The following ANKRD30BL variants were observed in gnomAD, a reference collection of about 807,000 sequenced individuals.
The protein encoded by ANKRD30BL is putative ankyrin repeat domain-containing protein 30B-like.
Under a neutral mutation model 18.4 loss-of-function variants are expected in ANKRD30BL, and 20 were observed. That is an observed-to-expected ratio of 1.09 (90% CI 0.77 to 1.58). The LOEUF (loss-of-function observed/expected upper bound fraction) is 1.58. Ranked by LOEUF, ANKRD30BL falls within the 40% of genes most tolerant of loss-of-function variation. The pLI is 0.00. For synonymous variants in ANKRD30BL, 72 were observed against 100.9 expected (o/e 0.71, Z 1.72); for missense variants, 224 against 268.6 (o/e 0.83, Z 1.16).
chr2:132,249,424 A>C (rs1162917238), intron 1 of ANKRD30BL, among the ~76,000 whole-genome samples: 3 of 152,204 alleles, frequency 2.0e-5, no homozygotes, highest in Non-Finnish European at 4.4e-5. Flanking sequence ...GTCACACATC[A>C]CAAATCAGTT....
At chr2:132,226,187 T>G (rs1679839149) in intron 1 of ANKRD30BL, among the ~76,000 whole-genome samples, 1 of 151,728 alleles carries the variant, frequency 6.6e-6, no homozygotes, top group Non-Finnish European at 1.5e-5. Flanking sequence ...TATCTTCTCA[T>G]AAAAACTAGA....
chr2:132,211,982 C>T (rs1679369634), intron 1 of ANKRD30BL, among the ~76,000 whole-genome samples: 1 of 151,662 alleles, frequency 6.6e-6, no homozygotes, highest in African/African-American at 2.4e-5. Context: ...AGAGTTCAAA[C>T]ATGCTTTAGA....
chr2:132,162,658 C>A (rs1399577494), upstream of ANKRD30BL, among the ~76,000 whole-genome samples: 1 of 151,594 alleles, frequency 6.6e-6, no homozygotes, highest in African/African-American at 2.4e-5. Context: ...CCTTCAAATG[C>A]CAGCTGCAGC....
chr2:132,178,147 T>A (rs554590620), intron 1 of ANKRD30BL, among the ~76,000 whole-genome samples: 70 of 152,360 alleles, frequency 4.6e-4, no homozygotes, highest in African/African-American at 1.5e-3. Flanking sequence ...CTTAGCACAT[T>A]ATATGTTCAT....
At chr2:132,244,203 G>A (rs1432427309) in intron 1 of ANKRD30BL, among the ~76,000 whole-genome samples, 2 of 152,286 alleles carry the variant, frequency 1.3e-5, no homozygotes, top group Admixed American at 6.5e-5. Flanking sequence ...TTTACATGTC[G>A]ATATTTAGAC....
chr2:132,247,926 G>A (rs796593484), intron 1 of ANKRD30BL, among the ~76,000 whole-genome samples: 2 of 152,020 alleles, frequency 1.3e-5, no homozygotes, highest in African/African-American at 4.8e-5. Context: ...TTTATGTGAA[G>A]ATATTTCCTA....
At chr2:132,151,022 T>C (rs765195381) in intron 4 of ANKRD30BL, 46 bp from the exon 5 acceptor site, 2 of 535,526 alleles carry the variant, frequency 3.7e-6, no homozygotes, top group Admixed American at 3.7e-5. Context: ...TTAACATTGA[T>C]ATAAAAAATA....
At chr2:132,176,010 G>A (rs958299796) in intron 1 of ANKRD30BL, among the ~76,000 whole-genome samples, 3 of 152,208 alleles carry the variant, frequency 2.0e-5, no homozygotes, top group Non-Finnish European at 2.9e-5. Context: ...CATAGACACA[G>A]TAACAGTCTG....
chr2:132,234,144 C>G (rs1030173469), intron 1 of ANKRD30BL, among the ~76,000 whole-genome samples: 3 of 152,070 alleles, frequency 2.0e-5, no homozygotes, highest in African/African-American at 4.8e-5. Flanking sequence ...CCAACATGAA[C>G]AAAGACACAA....
chr2:132,234,689 T>C (rs567171202), intron 1 of ANKRD30BL, among the ~76,000 whole-genome samples: 2 of 152,278 alleles, frequency 1.3e-5, no homozygotes, highest in South Asian at 4.1e-4. Flanking sequence ...ATTGTGGCAA[T>C]AATCAATAGC....
At chr2:132,188,258 T>G (rs1678746881) in intron 1 of ANKRD30BL, among the ~76,000 whole-genome samples, 1 of 152,202 alleles carries the variant, frequency 6.6e-6, no homozygotes, top group Non-Finnish European at 1.5e-5. Flanking sequence ...AAAGGTTTGA[T>G]TATGCTACTA....
intron 1 of ANKRD30BL, among the ~76,000 whole-genome samples, chr2:132,248,448 C>CT (rs1397378733): frequency 2.6e-5 from 4 of 152,124 alleles, no homozygotes; most frequent in African/African-American, 7.2e-5. Context: ...AAGATATTTC[C>CT]TTTTTCACCA....
In ANKRD30BL at chr2:132,148,044, T is replaced by C; in HGVS notation, c.*87A>G. ...ACATATTTGTTCTTTGATGAGGAAC[T>C]CAGAACTCATTGTACTTAATCTTCC... On this transcript the variant is annotated 3_prime_UTR_variant, in exon 6 of 6. Coordinates refer to ENST00000409867, the MANE Select transcript of ANKRD30BL (RefSeq NM_001358416.1). 2.0e-6 allele frequency: 2 copies of C among 986,498 alleles called. No homozygotes were observed. Among genetic ancestry groups the C allele is most frequent in the Non-Finnish European group, 3.1e-6 (2 of 636,182 alleles). The allele number at this position is 986,498 out of a possible 1,614,324, so 61.1% of individuals were successfully genotyped here.
At chr2:132,213,221 C>CAT (rs1679402088) in intron 1 of ANKRD30BL, among the ~76,000 whole-genome samples, 1 of 150,866 alleles carries the variant, frequency 6.6e-6, no homozygotes, top group Non-Finnish European at 1.5e-5. Flanking sequence ...CAGAGTTGAA[C>CAT]TTCTCCTTAG....
chr2:132,228,716 T>C (rs1228091691), intron 1 of ANKRD30BL, among the ~76,000 whole-genome samples: 2 of 146,816 alleles, frequency 1.4e-5, no homozygotes, highest in Admixed American at 1.3e-4. Context: ...TTTTGTAGAA[T>C]CTGCAAGCGG....
At chr2:132,152,576 C>G (rs1687788366) in intron 4 of ANKRD30BL, 1 of 152,182 alleles carries the variant, frequency 6.6e-6, no homozygotes, top group Non-Finnish European at 1.5e-5. Flanking sequence ...TTGGAACCCA[C>G]TACAACTTGG....
At chr2:132,208,408 C>T (rs942897177) in intron 1 of ANKRD30BL, among the ~76,000 whole-genome samples, 4 of 152,128 alleles carry the variant, frequency 2.6e-5, no homozygotes, top group African/African-American at 9.6e-5. Context: ...GTCATTTGCT[C>T]GATGTGTCTT....
chr2:132,250,815 T>C (rs1680630239), intron 1 of ANKRD30BL, among the ~76,000 whole-genome samples: 1 of 152,210 alleles, frequency 6.6e-6, no homozygotes, highest in South Asian at 2.1e-4. Context: ...ATCCTATTCT[T>C]TACCCTAAAT....
chr2:132,238,524 G>A (rs922586317), intron 1 of ANKRD30BL, among the ~76,000 whole-genome samples: 31 of 151,730 alleles, frequency 2.0e-4, no homozygotes, highest in Admixed American at 4.0e-4. Flanking sequence ...TTGAACATTC[G>A]TTTTCATGGA....
Sources: allele counts gnomAD v4.1 joint callset (sites outside exome capture counted in the v4.1 genomes callset), GRCh38; gene constraint gnomAD v4.1.1; transcripts MANE v1.5; gene names NCBI Gene and HGNC (gene_info 2026-07-23, HGNC 2026-07-21).